Variants in KCNIP1 observed in about 807,000 individuals in gnomAD.
The protein encoded by KCNIP1 is A-type potassium channel modulatory protein KCNIP1.
Under a neutral mutation model 33.0 loss-of-function variants are expected in KCNIP1, and 18 were observed. The ratio of observed to expected loss-of-function variants is 0.55; its 90% confidence interval spans 0.38 to 0.81. KCNIP1 has a LOEUF of 0.81. Ranked by LOEUF, KCNIP1 falls within the 30% of genes least tolerant of loss-of-function variation. The probability of loss-of-function intolerance (pLI) is 0.00; values close to 1 mark genes in which losing one functional copy is unlikely to be tolerated. For missense variants in KCNIP1, 238 were observed against 271.6 expected (o/e 0.88, Z 0.87); for synonymous variants, 93 against 98.3 (o/e 0.95, Z 0.32).
chr5:170,633,468 C>T (rs918304162), intron 1 of KCNIP1, among the ~76,000 whole-genome samples: 3 of 150,262 alleles, frequency 2.0e-5, no homozygotes, highest in Non-Finnish European at 3.0e-5. Context: ...GAGAGCTTTT[C>T]AGGAAGAAGA....
intron 1 of KCNIP1, among the ~76,000 whole-genome samples, chr5:170,682,645 G>T (rs928975551): frequency 2.6e-5 from 4 of 152,050 alleles, no homozygotes; most frequent in African/African-American, 7.2e-5. Flanking sequence ...AACTCAACCT[G>T]CCAGTCAATA....
At chr5:170,564,874 T>A (rs1241361401) in intron 1 of KCNIP1, among the ~76,000 whole-genome samples, 1 of 151,694 alleles carries the variant, frequency 6.6e-6, no homozygotes, top group Admixed American at 6.6e-5. Flanking sequence ...CCAGTTACAC[T>A]TTTTTTTTCA....
chr5:170,601,985 T>C (rs1758713427), intron 1 of KCNIP1, among the ~76,000 whole-genome samples: 1 of 152,122 alleles, frequency 6.6e-6, no homozygotes, highest in Non-Finnish European at 1.5e-5. Flanking sequence ...CTGGGTCAAA[T>C]GACACCGCCC....
rs1763605932 is a variant in KCNIP1, at chr5:170,364,602, A to T, written c.88+10638A>T. The stretch of plus-strand genomic sequence containing the variant: ...CTGTCCTTCTCCTTGGACTCTTTCC[A>T]CCAAATACCCCCAGGCTCTCTCCCT... On this transcript the variant is annotated intron_variant, in intron 1 of 7. Transcript: ENST00000377360. 3.3e-5 allele frequency among the ~76,000 whole-genome samples: 5 copies of T among 151,894 alleles called. No individual in the cohort carries two copies. In the South Asian group the frequency reaches 1.0e-3, roughly 32 times the overall value.
intron 5 of KCNIP1, among the ~76,000 whole-genome samples, chr5:170,725,589 A>C (rs1221379488): frequency 6.6e-6 from 1 of 152,182 alleles, no homozygotes; most frequent in African/African-American, 2.4e-5. Flanking sequence ...TGAATGAATA[A>C]GGCCTGGTAT....
chr5:170,685,201 C>T (rs530747976), intron 1 of KCNIP1, among the ~76,000 whole-genome samples: 24 of 151,954 alleles, frequency 1.6e-4, no homozygotes, highest in Middle Eastern at 6.8e-3. Flanking sequence ...TTCCATCCTC[C>T]AATGAGCAGA....
chr5:170,645,769 C>A (rs1473664843), intron 1 of KCNIP1, among the ~76,000 whole-genome samples: 4 of 152,114 alleles, frequency 2.6e-5, no homozygotes, highest in Admixed American at 6.5e-5. Flanking sequence ...CATACAATGT[C>A]TGCTCTCAAA....
At chr5:170,658,005 C>T (rs1048082978) in intron 1 of KCNIP1, among the ~76,000 whole-genome samples, 13 of 152,206 alleles carry the variant, frequency 8.5e-5, no homozygotes, top group Admixed American at 4.6e-4. Flanking sequence ...TAAGAGGTAT[C>T]TAAGCAGGGA....
At chr5:170,606,800 C>A (rs1758938573) in intron 1 of KCNIP1, among the ~76,000 whole-genome samples, 2 of 152,254 alleles carry the variant, frequency 1.3e-5, no homozygotes, top group Admixed American at 1.3e-4. Flanking sequence ...CTCACTTGTT[C>A]TTTGCAGAAC....
At chr5:170,692,235 C>T (rs967235097) in intron 1 of KCNIP1, among the ~76,000 whole-genome samples, 22 of 152,228 alleles carry the variant, frequency 1.4e-4, no homozygotes, top group African/African-American at 7.2e-5. Flanking sequence ...TCCTAAGGTA[C>T]CACCACGGCC....
intron 1 of KCNIP1, among the ~76,000 whole-genome samples, chr5:170,542,255 T>C (rs1160971210): frequency 6.6e-6 from 1 of 152,146 alleles, no homozygotes; most frequent in Non-Finnish European, 1.5e-5. Flanking sequence ...AAGTGTAGCA[T>C]CAAAATTAAC....
intron 1 of KCNIP1, among the ~76,000 whole-genome samples, chr5:170,577,803 T>C (rs1407400016): frequency 6.6e-6 from 1 of 152,214 alleles, no homozygotes; most frequent in African/African-American, 2.4e-5. Flanking sequence ...AATGAAGTGT[T>C]ACTTACAACA....
intron 5 of KCNIP1, among the ~76,000 whole-genome samples, chr5:170,731,196 C>T (rs1456602356): frequency 6.6e-6 from 1 of 152,174 alleles, no homozygotes; most frequent in Non-Finnish European, 1.5e-5. Context: ...TCAAGGTTAA[C>T]ATTATCAGTA....
At chr5:170,427,755 C>G (rs1755645969) in intron 1 of KCNIP1, among the ~76,000 whole-genome samples, 4 of 152,190 alleles carry the variant, frequency 2.6e-5, no homozygotes, top group Admixed American at 2.6e-4. Flanking sequence ...TGCTCCCACC[C>G]CTTCGCCTTC....
chr5:170,459,358 A>T lies in KCNIP1; in HGVS notation c.88+105394A>T, dbSNP rs148864424. Among the ~76,000 whole-genome samples the T allele has an allele frequency of 7.7e-3, 1,176 of 152,314 alleles. 19 individuals carry two copies. The highest frequency in any genetic ancestry group is 0.027 in the African/African-American group (1,136 of 41,578). On this transcript the variant is annotated intron_variant, in intron 1 of 7. Transcript: ENST00000377360. ...ACAAATGGACTTAACAGATATTTAT[A>T]GAACATTCTATCAAACAACTGTGGA...
At chr5:170,365,098 T>C (rs916144179) in intron 1 of KCNIP1, among the ~76,000 whole-genome samples, 14 of 152,166 alleles carry the variant, frequency 9.2e-5, no homozygotes, top group African/African-American at 3.4e-4. Context: ...GCAGGGAATT[T>C]TGCCTGGCCT....
intron 1 of KCNIP1, among the ~76,000 whole-genome samples, chr5:170,707,410 G>A (rs991007200): frequency 6.6e-6 from 1 of 152,138 alleles, no homozygotes; most frequent in Admixed American, 6.5e-5. Context: ...TTTCTCTAGT[G>A]CTGGAATCTA....
chr5:170,442,254 C>T (rs1037987398), intron 1 of KCNIP1, among the ~76,000 whole-genome samples: 4 of 152,150 alleles, frequency 2.6e-5, no homozygotes, highest in African/African-American at 7.2e-5. Context: ...TTTCAGAGAT[C>T]AGAGAAAAGG....
intron 1 of KCNIP1, among the ~76,000 whole-genome samples, chr5:170,583,140 C>T (rs1240484693): frequency 2.0e-5 from 3 of 152,264 alleles, no homozygotes; most frequent in East Asian, 1.9e-4. Context: ...TTCCTGACAT[C>T]GCTGCTTTTC....
Sources: allele counts gnomAD v4.1 joint callset (sites outside exome capture counted in the v4.1 genomes callset), GRCh38; gene constraint gnomAD v4.1.1; transcripts MANE v1.5; gene names NCBI Gene and HGNC (gene_info 2026-07-23, HGNC 2026-07-21).